Variants in CCDC149 observed in about 807,000 individuals in gnomAD.
CCDC149 encodes the protein coiled-coil domain-containing protein 149.
CCDC149 carries 45 observed loss-of-function variants against 59.9 expected under a neutral mutation model. The ratio of observed to expected loss-of-function variants is 0.75; its 90% confidence interval spans 0.59 to 0.96. CCDC149 has a LOEUF of 0.96. CCDC149 is among the 40% of genes least tolerant of loss of function. The pLI, the probability that CCDC149 is intolerant of heterozygous loss-of-function variation, is 0.00. For missense variants in CCDC149, 584 were observed against 664.7 expected (o/e 0.88, Z 1.33); for synonymous variants, 245 against 260.6 (o/e 0.94, Z 0.58).
intron 1 of CCDC149, among the ~76,000 whole-genome samples, chr4:24,966,224 G>A (rs1409573610): frequency 2.0e-5 from 3 of 152,114 alleles, no homozygotes; most frequent in South Asian, 2.1e-4. Flanking sequence ...TGTGTGGAAC[G>A]ACACTGGTGA....
At chr4:24,951,853 C>G (rs1390814129) in intron 1 of CCDC149, among the ~76,000 whole-genome samples, 1 of 152,178 alleles carries the variant, frequency 6.6e-6, no homozygotes, top group Non-Finnish European at 1.5e-5. Context: ...TAATCCAAAT[C>G]TTCACTAAAG....
In CCDC149 at chr4:24,807,196, C is replaced by T. The variant is rs1714247850; in HGVS notation, c.*1193G>A. On this transcript the variant is annotated 3_prime_UTR_variant, in exon 13 of 13. Transcript: ENST00000635206. The stretch of plus-strand genomic sequence containing the variant: ...GAAGGAAAAAGCTATGGCTGGATGA[C>T]TTTTAGTTTTCTGCAGTGCCGGATG... The T allele has an allele frequency of 6.6e-6, 1 of 152,108 alleles. No individual in the cohort carries two copies. Among genetic ancestry groups the T allele is most frequent in the Non-Finnish European group, 1.5e-5 (1 of 68,030 alleles). The allele number at this position is 152,108 out of a possible 1,614,324, so 9.4% of individuals were successfully genotyped here. A position where few individuals can be genotyped will look rare whatever the true frequency, so the allele number is the denominator to read the frequency against.
chr4:24,968,593 G>T (rs1384682447), intron 1 of CCDC149, among the ~76,000 whole-genome samples: 1 of 152,240 alleles, frequency 6.6e-6, no homozygotes, highest in Non-Finnish European at 1.5e-5. Context: ...AAGGAATTGG[G>T]TCCCCTCATT....
At chr4:24,888,205 G>A (rs115558264) in intron 1 of CCDC149, among the ~76,000 whole-genome samples, 191 of 152,244 alleles carry the variant, frequency 1.3e-3, no homozygotes, top group Non-Finnish European at 1.7e-3. Context: ...ACAGCTCCTG[G>A]CCCACAGTGT....
rs58407964 is a variant in CCDC149, at chr4:24,906,401, T to TTTTA, written c.63+6412_63+6415dup. Among the ~76,000 whole-genome samples, 243 of 102,102 alleles carry TTTTA rather than the reference T, an allele frequency of 2.4e-3. 5 individuals are homozygous for TTTTA. Among genetic ancestry groups the TTTTA allele is most frequent in the African/African-American group, 6.7e-3 (191 of 28,442 alleles). 67.0% of individuals were successfully genotyped at this position (102,102 alleles called of 152,430 possible). A position where few individuals can be genotyped will look rare whatever the true frequency, so the allele number is the denominator to read the frequency against. On this transcript the variant is annotated intron_variant, in intron 1 of 12. Coordinates refer to ENST00000635206, the MANE Select transcript of CCDC149 (RefSeq NM_001330643.2). Reference sequence around the variant, plus strand: ...TTTTATTTTATTTTATTTTATTTTATTTTATTTTACTTTATTTGAGACAGA... The same window carrying TTTTA: ...TTTTATTTTATTTTATTTTATTTTATTTTATTTATTTTACTTTATTTGAGACAGA...
intron 11 of CCDC149, chr4:24,820,183 C>T: frequency 2.0e-6 from 1 of 502,396 alleles, no homozygotes; most frequent in Non-Finnish European, 3.5e-6. Context: ...CACACAAAAT[C>T]CTTATCACTA....
intron 1 of CCDC149, among the ~76,000 whole-genome samples, chr4:24,927,641 GT>G (rs1362247997): frequency 6.6e-6 from 1 of 152,172 alleles, no homozygotes; most frequent in African/African-American, 2.4e-5. Context: ...TAATGATGTA[GT>G]TTTCTAGGAA....
intron 1 of CCDC149, among the ~76,000 whole-genome samples, chr4:24,903,719 T>C (rs929733130): frequency 1.3e-5 from 2 of 152,128 alleles, no homozygotes; most frequent in Admixed American, 6.5e-5. Flanking sequence ...GATTCCCTCA[T>C]GTTTCTCTGC....
downstream of CCDC149, among the ~76,000 whole-genome samples, chr4:24,803,782 A>G (rs1713992402): frequency 6.6e-6 from 1 of 152,202 alleles, no homozygotes. This position sits in a 1 kb window ranked among gnomAD's most constrained non-coding sequence, Gnocchi z 4.3. Context: ...ATATTATGCA[A>G]ACTTTCCCTA....
At chr4:24,882,899 T>C (rs964140461) in intron 1 of CCDC149, among the ~76,000 whole-genome samples, 3 of 152,202 alleles carry the variant, frequency 2.0e-5, no homozygotes, top group African/African-American at 7.2e-5. Context: ...CCAACAGTAA[T>C]TGCCCAAATA....
chr4:24,812,188 G>A (rs978483465), intron 12 of CCDC149, among the ~76,000 whole-genome samples: 1 of 152,168 alleles, frequency 6.6e-6, no homozygotes, highest in African/African-American at 2.4e-5. Context: ...TGCCATATAA[G>A]GTAACATTTA....
rs758589127 is a variant in CCDC149 at position 24,853,046 on chromosome 4, T to C, written c.372+26A>G. 147 of 1,439,204 alleles carry C rather than the reference T, an allele frequency of 1.0e-4. No homozygotes were observed. The East Asian group carries it at 3.3e-3, about 32-fold the overall frequency. 89.2% of individuals were successfully genotyped at this position (1,439,204 alleles called of 1,614,324 possible). ...CGAACGCACAATGTTGCAGCAGAGC[T>C]TCTTCCCTGTAAATACTCACAGTAC... On this transcript the variant is annotated intron_variant, in intron 4 of 12. Coordinates refer to ENST00000635206, the MANE Select transcript of CCDC149 (RefSeq NM_001330643.2).
Position 24,808,412 on chromosome 4 carries a change from T to G in CCDC149, c.1600A>C (p.Met534Leu). The change falls in exon 13 of 13, where the codon ATG becomes CTG. Residue 534 changes from methionine (M) to leucine (L), a missense_variant. Met to Leu is a conservative substitution (Grantham distance 15). Coordinates refer to ENST00000635206, the MANE Select transcript of CCDC149 (RefSeq NM_001330643.2). The stretch of plus-strand genomic sequence containing the variant: ...CTTCAGGTTTTCACGGTGCTCCTCA[T>G]GCCTCCGCCCTCTGGGATCCCTTTG... 2 of 1,455,810 alleles carry G rather than the reference T, an allele frequency of 1.4e-6. No individual in the cohort carries two copies. Among genetic ancestry groups the G allele is most frequent in the South Asian group, 1.5e-5 (1 of 67,012 alleles). The allele number at this position is 1,455,810 out of a possible 1,614,324, so 90.2% of individuals were successfully genotyped here.
chr4:24,967,136 G>C (rs1723825030), intron 1 of CCDC149, among the ~76,000 whole-genome samples: 1 of 152,080 alleles, frequency 6.6e-6, no homozygotes, highest in Non-Finnish European at 1.5e-5. Context: ...TCTGGAGGTG[G>C]ATATTTTGCA....
intron 1 of CCDC149, among the ~76,000 whole-genome samples, chr4:24,960,068 T>C (rs1437025248): frequency 6.6e-6 from 1 of 152,174 alleles, no homozygotes; most frequent in Non-Finnish European, 1.5e-5. Flanking sequence ...CACAATGAAT[T>C]GTGGAGTTTA....
chr4:24,962,299 C>T (rs374566545), intron 1 of CCDC149, among the ~76,000 whole-genome samples: 1 of 151,858 alleles, frequency 6.6e-6, no homozygotes, highest in African/African-American at 2.4e-5. Flanking sequence ...ATCATTAAAA[C>T]GTCAGGAAAC....
downstream of CCDC149, among the ~76,000 whole-genome samples, chr4:24,804,729 C>T (rs768058220): frequency 5.3e-5 from 8 of 152,044 alleles, no homozygotes; most frequent in African/African-American, 1.7e-4. Context: ...CAAAGGCTCC[C>T]GGTAGGAATA....
At chr4:24,804,325 T>C (rs1714045318), downstream of CCDC149, among the ~76,000 whole-genome samples, 1 of 151,890 alleles carries the variant, frequency 6.6e-6, no homozygotes, top group Non-Finnish European at 1.5e-5. Flanking sequence ...ACCCCGTCTC[T>C]ACTAAAAATA....
At chr4:24,936,197 G>A (rs532701359) in intron 1 of CCDC149, among the ~76,000 whole-genome samples, 1 of 152,176 alleles carries the variant, frequency 6.6e-6, no homozygotes, top group Admixed American at 6.5e-5. Flanking sequence ...CAAGACTTTC[G>A]CTTAAAAAGG....
Sources: allele counts gnomAD v4.1 joint callset (sites outside exome capture counted in the v4.1 genomes callset), GRCh38; gene constraint gnomAD v4.1.1; non-coding constraint Gnocchi (gnomAD v3.1); transcripts MANE v1.5; gene names NCBI Gene and HGNC (gene_info 2026-07-23, HGNC 2026-07-21).